Variants in ROBO1 observed in about 807,000 individuals in gnomAD.
ROBO1 encodes roundabout homolog 1.
In ROBO1, 149 loss-of-function variants were observed where a neutral mutation model predicts 195.9. The observed-to-expected ratio is 0.76, with a 90% confidence interval of 0.67 to 0.87. The LOEUF (loss-of-function observed/expected upper bound fraction) is 0.87, where lower values mean the gene tolerates loss of function less well. Ranked by LOEUF, ROBO1 falls within the 40% of genes least tolerant of loss-of-function variation. The pLI is 0.00. For synonymous variants in ROBO1, 816 were observed against 733.2 expected, an observed-to-expected ratio of 1.11 and a Z score of -1.82; for missense variants, 1,933 against 2,068.3, an observed-to-expected ratio of 0.93 and a Z score of 1.27.
intron 3 of ROBO1, among the ~76,000 whole-genome samples, chr3:78,967,626 C>T (rs1463560037): frequency 6.6e-6 from 1 of 151,986 alleles, no homozygotes; most frequent in Non-Finnish European, 1.5e-5. Flanking sequence ...AATCATGACC[C>T]TCCTTCATTA....
At chr3:79,255,169 T>C (rs879132128) in intron 2 of ROBO1, among the ~76,000 whole-genome samples, 2 of 152,028 alleles carry the variant, frequency 1.3e-5, no homozygotes, top group African/African-American at 2.4e-5. Flanking sequence ...CTAGGCAGCA[T>C]AGCAAGACCC....
intron 3 of ROBO1, among the ~76,000 whole-genome samples, chr3:79,027,120 G>A (rs917562956): frequency 2.6e-5 from 4 of 152,038 alleles, no homozygotes; most frequent in African/African-American, 4.8e-5. Flanking sequence ...GCAGATTGCC[G>A]TTATCTGGGC....
At chr3:79,692,868 G>A (rs1156801108) in intron 1 of ROBO1, among the ~76,000 whole-genome samples, 4 of 151,764 alleles carry the variant, frequency 2.6e-5, no homozygotes, top group Non-Finnish European at 5.9e-5. Context: ...TATACATAAT[G>A]AGTTATCTTG....
chr3:79,224,506 T>C (rs1173775992), intron 2 of ROBO1, among the ~76,000 whole-genome samples: 2 of 152,194 alleles, frequency 1.3e-5, no homozygotes, highest in Admixed American at 6.5e-5. Flanking sequence ...AGTTCTCAAA[T>C]GACACTAAAA....
chr3:79,157,110 G>GTC (rs371915943), intron 2 of ROBO1, among the ~76,000 whole-genome samples: 6 of 151,244 alleles, frequency 4.0e-5, no homozygotes, highest in South Asian at 2.1e-4. Flanking sequence ...TTCTCTCTCT[G>GTC]TCTCTCTCTC....
intron 2 of ROBO1, among the ~76,000 whole-genome samples, chr3:79,338,110 A>G (rs891117359): frequency 1.3e-5 from 2 of 152,164 alleles, no homozygotes; most frequent in East Asian, 3.9e-4. Flanking sequence ...AAAGTGTTGA[A>G]TTCCTAATTG....
chr3:78,998,820 T>C (rs954396431), intron 3 of ROBO1, among the ~76,000 whole-genome samples: 4 of 152,074 alleles, frequency 2.6e-5, no homozygotes, highest in Admixed American at 1.3e-4. Flanking sequence ...TTGAGAGATC[T>C]TTCTGTCCCA....
chr3:78,663,241 T>A lies in ROBO1; in HGVS notation c.1967-1127A>T, dbSNP rs765515877. On this transcript the variant is annotated intron_variant, in intron 14 of 30. Transcript: ENST00000464233. ...AGGGAAGCTAGGCAAGTGGAAGAGA[T>A]GACATCGAGATTGATATCAAACACT... Among the ~76,000 whole-genome samples, 14 of 151,780 alleles carry A rather than the reference T, an allele frequency of 9.2e-5. 1 individual carries two copies. The highest frequency in any genetic ancestry group is 1.5e-5 in the Non-Finnish European group (1 of 67,986).
intron 2 of ROBO1, among the ~76,000 whole-genome samples, chr3:79,162,286 T>G (rs1223476917): frequency 7.2e-5 from 11 of 152,018 alleles, no homozygotes; most frequent in Non-Finnish European, 1.2e-4. Flanking sequence ...TTAGAAGATA[T>G]AGCATCCAAA....
chr3:79,350,934 A>G (rs1202631713), intron 2 of ROBO1, among the ~76,000 whole-genome samples: 3 of 152,024 alleles, frequency 2.0e-5, no homozygotes, highest in Non-Finnish European at 4.4e-5. Flanking sequence ...GCCTCAATTG[A>G]TCCTCCCATC....
intron 3 of ROBO1, among the ~76,000 whole-genome samples, chr3:78,983,151 T>C (rs1375415675): frequency 1.3e-5 from 2 of 152,050 alleles, no homozygotes; most frequent in Non-Finnish European, 2.9e-5. Flanking sequence ...ATAAAGTGAG[T>C]TTTTACATTT....
chr3:78,763,430 C>T (rs1394377710), intron 4 of ROBO1, among the ~76,000 whole-genome samples: 2 of 152,022 alleles, frequency 1.3e-5, no homozygotes, highest in African/African-American at 4.8e-5. Flanking sequence ...ATCATTTTTA[C>T]CATTTAAAAA....
chr3:79,679,992 C>T (rs1227287020), intron 1 of ROBO1, among the ~76,000 whole-genome samples: 1 of 151,974 alleles, frequency 6.6e-6, no homozygotes, highest in Non-Finnish European at 1.5e-5. Context: ...ATAGATTATG[C>T]TTCCAATAAC....
At chr3:78,694,635 C>G (rs2081246327) in intron 8 of ROBO1, among the ~76,000 whole-genome samples, 1 of 152,112 alleles carries the variant, frequency 6.6e-6, no homozygotes, top group African/African-American at 2.4e-5. Flanking sequence ...TTTATTATAG[C>G]ATCACCAGTT....
intron 2 of ROBO1, among the ~76,000 whole-genome samples, chr3:79,298,239 G>A (rs572484596): frequency 6.6e-5 from 10 of 152,168 alleles, no homozygotes; most frequent in African/African-American, 1.9e-4. Context: ...CCAGGCCAGC[G>A]GGCATGATTG....
At chr3:79,110,811 G>A (rs886457848) in intron 3 of ROBO1, among the ~76,000 whole-genome samples, 7 of 151,724 alleles carry the variant, frequency 4.6e-5, no homozygotes, top group South Asian at 4.2e-4. Flanking sequence ...TGTAGATGGA[G>A]TCTCGCTATG....
chr3:78,639,953 T>G (rs1375236563), intron 21 of ROBO1, 55 bp from the exon 22 acceptor site: 3 of 1,356,942 alleles, frequency 2.2e-6, no homozygotes, highest in Non-Finnish European at 2.0e-6. Context: ...AGTAATATTT[T>G]CTATTTAAAA....
At chr3:79,206,329 C>T (rs1350012122) in intron 2 of ROBO1, among the ~76,000 whole-genome samples, 1 of 152,112 alleles carries the variant, frequency 6.6e-6, no homozygotes. Flanking sequence ...GCGTAATAGT[C>T]TCAAAGCACA....
chr3:78,995,766 CAAA>C (rs796612944), intron 3 of ROBO1, among the ~76,000 whole-genome samples: 2 of 80,592 alleles, frequency 2.5e-5, no homozygotes, highest in Admixed American at 1.4e-4. Flanking sequence ...ACTCTGTCTC[CAAA>C]AAAAAAAAAA....
Sources: allele counts gnomAD v4.1 joint callset (sites outside exome capture counted in the v4.1 genomes callset), GRCh38; gene constraint gnomAD v4.1.1; transcripts MANE v1.5; gene names NCBI Gene and HGNC (gene_info 2026-07-23, HGNC 2026-07-21).